Variants in CAMK2D observed in about 807,000 individuals in gnomAD.
CAMK2D encodes the protein calcium/calmodulin dependent protein kinase II delta, also known as calcium/calmodulin-dependent protein kinase type II subunit delta.
In CAMK2D, 37 loss-of-function variants were observed where a neutral mutation model predicts 84.0. The ratio of observed to expected loss-of-function variants is 0.44; its 90% CI spans 0.34 to 0.58. The LOEUF (loss-of-function observed/expected upper bound fraction) is 0.58. Ranked by LOEUF, CAMK2D falls within the 20% of genes least tolerant of loss-of-function variation. CAMK2D has a pLI of 0.02. For missense variants in CAMK2D, 448 were observed against 652.5 expected, an observed-to-expected ratio of 0.69 and a Z score of 3.41; for synonymous variants, 202 against 212.5, an observed-to-expected ratio of 0.95 and a Z score of 0.43.
intron 2 of CAMK2D, among the ~76,000 whole-genome samples, chr4:113,684,545 G>T (rs1395242787): frequency 6.6e-6 from 1 of 152,152 alleles, no homozygotes; most frequent in Non-Finnish European, 1.5e-5. Context: ...CAGAGGACTT[G>T]CTCAGAACAA....
intron 2 of CAMK2D, among the ~76,000 whole-genome samples, chr4:113,663,088 T>C (rs1320582387): frequency 1.3e-5 from 2 of 152,234 alleles, no homozygotes; most frequent in East Asian, 1.9e-4. Flanking sequence ...AGATACTCTC[T>C]GGACCTACCA....
At chr4:113,541,720 C>A (rs923179760) in intron 6 of CAMK2D, among the ~76,000 whole-genome samples, 5 of 152,056 alleles carry the variant, frequency 3.3e-5, no homozygotes, top group Admixed American at 1.3e-4. Flanking sequence ...TTTAAAATTT[C>A]TTTCCTCTAT....
chr4:113,594,505 G>A (rs1296370913), intron 4 of CAMK2D, among the ~76,000 whole-genome samples: 1 of 152,122 alleles, frequency 6.6e-6, no homozygotes, highest in Non-Finnish European at 1.5e-5. Context: ...ATATATGAAG[G>A]GCTTTAATGG....
intron 16 of CAMK2D, among the ~76,000 whole-genome samples, chr4:113,487,580 T>C (rs2097777896): frequency 6.6e-6 from 1 of 152,054 alleles, no homozygotes; most frequent in Non-Finnish European, 1.5e-5. Context: ...AGAAATTTTG[T>C]ATGGAAACTT....
At position 113,592,585 on chromosome 4, in the gene CAMK2D, T is replaced by A. The variant is rs577038814; in HGVS notation, c.275+16567A>T. Among the ~76,000 whole-genome samples the A allele has an allele frequency of 2.0e-5, 3 of 152,344 alleles. No homozygotes were observed. The South Asian group carries it at 6.2e-4, about 32-fold the overall frequency. On this transcript the variant is annotated intron_variant, in intron 4 of 20. Transcript: ENST00000511664. ...CAAAAGAGGTAGTAAATCTCTTTAA[T>A]GCCTCAACATCAAATTCCAATGGAG...
At chr4:113,715,540 A>G (rs532776059) in intron 2 of CAMK2D, among the ~76,000 whole-genome samples, 9 of 152,142 alleles carry the variant, frequency 5.9e-5, no homozygotes, top group Non-Finnish European at 1.2e-4. Flanking sequence ...ACATTAATAT[A>G]TAGTTAGGTT....
At chr4:113,607,228 T>C (rs948342219) in intron 4 of CAMK2D, among the ~76,000 whole-genome samples, 5 of 151,998 alleles carry the variant, frequency 3.3e-5, no homozygotes, top group African/African-American at 1.2e-4. Context: ...GAGAAAGGAC[T>C]GAAGAGGAAG....
chr4:113,724,070 T>C lies in CAMK2D; in HGVS notation c.160+35250A>G, dbSNP rs116739454. Among the ~76,000 whole-genome samples the C allele has an allele frequency of 5.8e-3, 877 of 152,236 alleles. 10 individuals are homozygous for C. Among genetic ancestry groups the C allele is most frequent in the African/African-American group, 0.019 (786 of 41,554 alleles). On this transcript the variant is annotated intron_variant, in intron 2 of 20. Transcript: ENST00000511664. ...GATATTAACACTACTCAATATGTTA[T>C]TTCATTTGCTCTTATTTTGGATTCT...
At chr4:113,749,135 C>T (rs868161889) in intron 2 of CAMK2D, among the ~76,000 whole-genome samples, 2 of 151,008 alleles carry the variant, frequency 1.3e-5, no homozygotes, top group African/African-American at 4.9e-5. Flanking sequence ...AGAATATTTT[C>T]TCATATATAA....
chr4:113,584,103 C>G (rs965882056), intron 4 of CAMK2D, among the ~76,000 whole-genome samples: 1 of 152,136 alleles, frequency 6.6e-6, no homozygotes, highest in African/African-American at 2.4e-5. Context: ...AGCAGTCTTT[C>G]CATTGTCAGT....
chr4:113,720,496 T>C (rs905780972), intron 2 of CAMK2D, among the ~76,000 whole-genome samples: 4 of 151,984 alleles, frequency 2.6e-5, no homozygotes, highest in Admixed American at 1.3e-4. Context: ...AAAGTGGGAA[T>C]GCATTAAAAT....
chr4:113,471,744 C>A (rs1447008476), intron 16 of CAMK2D, among the ~76,000 whole-genome samples: 1 of 152,132 alleles, frequency 6.6e-6, no homozygotes, highest in Non-Finnish European at 1.5e-5. Context: ...TCTCTCACTC[C>A]TCACTGTTGC....
chr4:113,611,658 C>T (rs1354861602), intron 3 of CAMK2D, among the ~76,000 whole-genome samples: 1 of 152,110 alleles, frequency 6.6e-6, no homozygotes, highest in Non-Finnish European at 1.5e-5. Flanking sequence ...AAATTATTTC[C>T]ATTCACTTAT....
At chr4:113,621,046 T>C (rs1384779101) in intron 3 of CAMK2D, among the ~76,000 whole-genome samples, 1 of 152,152 alleles carries the variant, frequency 6.6e-6, no homozygotes, top group Non-Finnish European at 1.5e-5. Context: ...TCTTCCCATC[T>C]CAGCCTTCCA....
chr4:113,490,432 TG>T (rs1164298710), intron 16 of CAMK2D, among the ~76,000 whole-genome samples: 2 of 107,452 alleles, frequency 1.9e-5, no homozygotes, highest in African/African-American at 5.0e-5. Context: ...TTCTCAGGTT[TG>T]TCAAAGATCA....
intron 2 of CAMK2D, among the ~76,000 whole-genome samples, chr4:113,733,320 T>C (rs888729455): frequency 6.6e-6 from 1 of 152,214 alleles, no homozygotes; most frequent in African/African-American, 2.4e-5. Flanking sequence ...CTCAGTGTCT[T>C]TTCTCCTGAG....
rs1564609247 is a variant in CAMK2D, at chr4:113,493,107, CTG to C, written c.1135+7354_1135+7355del. Among the ~76,000 whole-genome samples, 4 of 145,746 alleles carry C rather than the reference CTG, an allele frequency of 2.7e-5. No homozygotes were observed. In the East Asian group the frequency reaches 7.9e-4, roughly 29 times the overall value. ...TTGACTCTTTATCCAATTTGCCAGT[CTG>C]TGTCTTTTAATTGGAGCATTTAGTC... is the stretch of plus-strand genomic sequence containing the variant. On this transcript the variant is annotated intron_variant, in intron 16 of 20. Transcript: ENST00000511664.
intron 16 of CAMK2D, among the ~76,000 whole-genome samples, chr4:113,472,117 C>A (rs1322177814): frequency 6.6e-6 from 1 of 152,170 alleles, no homozygotes; most frequent in African/African-American, 2.4e-5. Context: ...AGCTACTTTA[C>A]GTTACTTTGA....
intron 2 of CAMK2D, among the ~76,000 whole-genome samples, chr4:113,752,332 A>G (rs2099619209): frequency 6.6e-6 from 1 of 152,210 alleles, no homozygotes; most frequent in South Asian, 2.1e-4. Flanking sequence ...TAAAACAATT[A>G]ACTGTATATA....
Sources: gnomAD v4.1 joint callset for allele counts (sites outside exome capture counted in the v4.1 genomes callset) on GRCh38, gnomAD v4.1.1 for gene constraint, MANE v1.5 for transcripts, NCBI Gene and HGNC (gene_info 2026-07-23, HGNC 2026-07-21) for gene names.